NEGR1: variants seen among roughly 807,000 people sequenced by gnomAD.
NEGR1 encodes IgLON family member 4.
In NEGR1, 10 loss-of-function variants were observed where a neutral mutation model predicts 40.9. The ratio of observed to expected loss-of-function variants is 0.24; its 90% CI spans 0.15 to 0.42. The LOEUF is 0.42. NEGR1 is among the 10% of genes least tolerant of loss of function. NEGR1 has a pLI of 1.00. For synonymous variants in NEGR1, 185 were observed against 166.8 expected (o/e 1.11, Z -0.84); for missense variants, 352 against 438.9 (o/e 0.80, Z 1.77).
intron 1 of NEGR1, among the ~76,000 whole-genome samples, chr1:72,000,398 A>T (rs1646546963): frequency 6.6e-6 from 1 of 152,066 alleles, no homozygotes; most frequent in African/African-American, 2.4e-5. Context: ...CATTTTACAA[A>T]TGAGGAAATA....
chr1:71,443,018 G>A (rs964768162), intron 6 of NEGR1, among the ~76,000 whole-genome samples: 1 of 152,218 alleles, frequency 6.6e-6, no homozygotes, highest in Admixed American at 6.5e-5. Flanking sequence ...AGAATGGGCA[G>A]AACTGATTAT....
intron 1 of NEGR1, among the ~76,000 whole-genome samples, chr1:71,946,161 G>A (rs764575116): frequency 4.6e-5 from 7 of 152,016 alleles, no homozygotes; most frequent in Non-Finnish European, 1.0e-4. Context: ...CGATCCACCC[G>A]CCTTAGCCTC....
chr1:71,991,453 T>G (rs1432257298), intron 1 of NEGR1, among the ~76,000 whole-genome samples: 1 of 152,302 alleles, frequency 6.6e-6, no homozygotes, highest in East Asian at 1.9e-4. Flanking sequence ...AACAGATCAC[T>G]TTTCCTGCTT....
chr1:71,748,641 G>A (rs1397850968), intron 3 of NEGR1, among the ~76,000 whole-genome samples: 13 of 152,028 alleles, frequency 8.6e-5, no homozygotes, highest in Admixed American at 8.5e-4. Context: ...ATTTTAGTTA[G>A]CTAATGCCAA....
chr1:71,781,685 G>T (rs1656723121), intron 2 of NEGR1, among the ~76,000 whole-genome samples: 1 of 152,116 alleles, frequency 6.6e-6, no homozygotes, highest in African/African-American at 2.4e-5. Flanking sequence ...CCTCGGTCAG[G>T]ATATAAAATC....
At chr1:72,249,189 T>C (rs1655004112) in intron 1 of NEGR1, among the ~76,000 whole-genome samples, 1 of 96,642 alleles carries the variant, frequency 1.0e-5, no homozygotes, top group African/African-American at 2.8e-5. Context: ...CCTTCCACCA[T>C]GTGAGAACAC....
At chr1:72,000,082 G>T (rs1452487411) in intron 1 of NEGR1, among the ~76,000 whole-genome samples, 4 of 151,922 alleles carry the variant, frequency 2.6e-5, no homozygotes, top group Admixed American at 2.0e-4. Context: ...GCTCAAATTA[G>T]ACTTCAAATC....
rs1646251062 is a variant in NEGR1, at chr1:71,402,196, T to A, written c.*5250A>T. ...TAATCTTCAGCAAGTGACTCAAAATTTCTGAATCTCGTTTTCACCATCAAT... is the reference window on the plus strand; with the variant it reads ...TAATCTTCAGCAAGTGACTCAAAATATCTGAATCTCGTTTTCACCATCAAT... On this transcript the variant is annotated 3_prime_UTR_variant, in exon 7 of 7. Coordinates refer to ENST00000357731, the MANE Select transcript of NEGR1 (RefSeq NM_173808.3). The A allele has an allele frequency of 6.6e-6, 1 of 152,138 alleles. No individual in the cohort carries two copies. The highest frequency in any genetic ancestry group is 2.4e-5 in the African/African-American group (1 of 41,444). The allele number at this position is 152,138 out of a possible 1,614,324, so 9.4% of individuals were successfully genotyped here. A position where few individuals can be genotyped will look rare whatever the true frequency, so the allele number is the denominator to read the frequency against.
At chr1:71,995,925 A>AT (rs1223791935) in intron 1 of NEGR1, among the ~76,000 whole-genome samples, 1 of 152,122 alleles carries the variant, frequency 6.6e-6, no homozygotes, top group Non-Finnish European at 1.5e-5. Context: ...AGTTTTGTTA[A>AT]TTTTTTTAAA....
At chr1:71,556,010 T>C (rs1055489690) in intron 6 of NEGR1, among the ~76,000 whole-genome samples, 1 of 151,446 alleles carries the variant, frequency 6.6e-6, no homozygotes, top group East Asian at 2.0e-4. Context: ...AAAATATGAA[T>C]ATACTTGCCA....
intron 6 of NEGR1, among the ~76,000 whole-genome samples, chr1:71,571,744 C>A (rs575477498): frequency 7.4e-6 from 1 of 135,666 alleles, no homozygotes; most frequent in Admixed American, 8.3e-5. Context: ...AGTGAACTGT[C>A]ATGGTGCCAC....
chr1:71,437,455 G>T (rs1325902405), intron 6 of NEGR1, among the ~76,000 whole-genome samples: 1 of 151,966 alleles, frequency 6.6e-6, no homozygotes, highest in African/African-American at 2.4e-5. Context: ...TTCAAAAAAT[G>T]ATTATAAAAC....
rs533191215 is a variant in NEGR1 at position 71,998,343 on chromosome 1, G to T, written c.177-63032C>A. Among the ~76,000 whole-genome samples the T allele has an allele frequency of 3.8e-4, 58 of 151,934 alleles. No homozygotes were observed. In the East Asian group the frequency reaches 0.011, roughly 28 times the overall value. ...TTCCTCCCTATATTTCAGGCAGGAG[G>T]CTTTTTCAATAAAAACAATTCTATT... On this transcript the variant is annotated intron_variant, in intron 1 of 6. Coordinates refer to ENST00000357731, the MANE Select transcript of NEGR1 (RefSeq NM_173808.3).
intron 3 of NEGR1, among the ~76,000 whole-genome samples, chr1:71,731,991 T>A (rs1654888520): frequency 2.0e-5 from 3 of 152,196 alleles, no homozygotes; most frequent in South Asian, 2.1e-4. Flanking sequence ...CCAGTTTTCA[T>A]GAGGCATTGG....
intron 6 of NEGR1, among the ~76,000 whole-genome samples, chr1:71,449,624 C>T (rs117259860): frequency 0.015 from 2,218 of 152,268 alleles, 40 homozygotes; most frequent in South Asian, 0.086. Flanking sequence ...GTGCTAGTGT[C>T]ATTTGAGTAG....
At chr1:72,155,141 G>T (rs1004690983) in intron 1 of NEGR1, among the ~76,000 whole-genome samples, 1 of 151,730 alleles carries the variant, frequency 6.6e-6, no homozygotes, top group Admixed American at 6.6e-5. Flanking sequence ...TCTCAATTAC[G>T]CCTTGAGTAC....
chr1:71,683,254 T>C (rs1652902162), intron 4 of NEGR1, among the ~76,000 whole-genome samples: 2 of 152,090 alleles, frequency 1.3e-5, no homozygotes, highest in South Asian at 4.1e-4. Flanking sequence ...GGGGTCTTTG[T>C]TTAATGTGAA....
At chr1:72,154,876 G>T (rs1651302105) in intron 1 of NEGR1, among the ~76,000 whole-genome samples, 1 of 151,904 alleles carries the variant, frequency 6.6e-6, no homozygotes, top group Non-Finnish European at 1.5e-5. Context: ...GTAGATAAAA[G>T]ATGAGACTAT....
intron 2 of NEGR1, among the ~76,000 whole-genome samples, chr1:71,933,957 A>G (rs1241448341): frequency 6.6e-6 from 1 of 152,114 alleles, no homozygotes; most frequent in African/African-American, 2.4e-5. Context: ...TAGATTAACA[A>G]TCTTTTTCAG....
Sources: gnomAD v4.1 joint callset for allele counts (sites outside exome capture counted in the v4.1 genomes callset) on GRCh38, gnomAD v4.1.1 for gene constraint, MANE v1.5 for transcripts, NCBI Gene and HGNC (gene_info 2026-07-23, HGNC 2026-07-21) for gene names.